The following NEURL1 variants were observed in gnomAD, a reference collection of about 807,000 sequenced individuals.
NEURL1 encodes neuralized E3 ubiquitin protein ligase 1.
NEURL1 carries 26 observed loss-of-function variants against 41.2 expected under a neutral mutation model. That is an observed-to-expected ratio of 0.63 (90% CI 0.46 to 0.87). NEURL1 has a LOEUF of 0.87. Ranked by LOEUF, NEURL1 falls within the 40% of genes least tolerant of loss-of-function variation. The pLI is 0.00. For missense variants in NEURL1, 761 were observed against 871.1 expected (o/e 0.87, Z 1.59); for synonymous variants, 400 against 402.3 (o/e 0.99, Z 0.07).
chr10:103,504,324 G>T (rs1279881535), intron 1 of NEURL1, among the ~76,000 whole-genome samples: 1 of 152,052 alleles, frequency 6.6e-6, no homozygotes, highest in Admixed American at 6.6e-5. Flanking sequence ...CCTCCTCTTG[G>T]TTGTGACAAT....
At chr10:103,538,134 G>A (rs570134563) in intron 1 of NEURL1, among the ~76,000 whole-genome samples, 4 of 151,614 alleles carry the variant, frequency 2.6e-5, no homozygotes, top group African/African-American at 7.3e-5. Context: ...TCTCTCTGTC[G>A]CCTAGGCTGG....
intron 1 of NEURL1, among the ~76,000 whole-genome samples, chr10:103,501,618 T>TTATTATTATTATTATTA (rs1554888033): frequency 4.2e-5 from 6 of 142,596 alleles, no homozygotes; most frequent in African/African-American, 1.3e-4. Context: ...TCCCACTTTA[T>TTATTATTATTATTATTA]TTATTATTAT....
chr10:103,523,299 T>TA (rs980795096), intron 1 of NEURL1, among the ~76,000 whole-genome samples: 8 of 151,102 alleles, frequency 5.3e-5, no homozygotes, highest in African/African-American at 1.9e-4. Flanking sequence ...TTACAAAAAA[T>TA]AAAAAAAATT....
chr10:103,501,386 C>T (rs889366381), intron 1 of NEURL1, among the ~76,000 whole-genome samples: 7 of 151,922 alleles, frequency 4.6e-5, no homozygotes, highest in Admixed American at 6.6e-5. Context: ...AAGGGCTGGG[C>T]GTGACAGCCA....
chr10:103,497,470 A>G (rs1436141253), intron 1 of NEURL1, among the ~76,000 whole-genome samples: 3 of 152,118 alleles, frequency 2.0e-5, no homozygotes, highest in Admixed American at 6.5e-5. Flanking sequence ...ATTCCTCACC[A>G]TTTTAATTAA....
chr10:103,571,871 C>A, intron 3 of NEURL1, 49 bp downstream of exon 3: 1 of 1,513,954 alleles, frequency 6.6e-7, no homozygotes, highest in Non-Finnish European at 8.9e-7. Flanking sequence ...ACCCCTCAGC[C>A]TCTGGGCACT....
Position 103,584,933 on chromosome 10 carries a change from G to C in NEURL1, c.1047G>C (p.Arg349=), listed in dbSNP as rs150625492. The change falls in exon 4 of 6, where the codon CGG becomes CGC. Residue 349 remains arginine (R), a synonymous_variant. Coordinates refer to ENST00000369780, the MANE Select transcript of NEURL1 (RefSeq NM_004210.5). ...AGGTCACGCGCTCGGGTGGCGCGCG[G>C]CCCGGCGCGCTGTCGTTCGGCGTCA... The part of the protein sequence containing the change: ...FVKVTRSGGA[R]PGALSFGVTT... 2 of 1,488,662 alleles carry C rather than the reference G, an allele frequency of 1.3e-6. No individual in the cohort carries two copies. The highest frequency in any genetic ancestry group is 1.3e-5 in the South Asian group (1 of 78,614). 92.2% of individuals were successfully genotyped at this position (1,488,662 alleles called of 1,614,324 possible). A position where few individuals can be genotyped will look rare whatever the true frequency, so the allele number is the denominator to read the frequency against.
At chr10:103,519,633 C>T (rs986149313) in intron 1 of NEURL1, among the ~76,000 whole-genome samples, 1 of 152,128 alleles carries the variant, frequency 6.6e-6, no homozygotes, top group African/African-American at 2.4e-5. Context: ...TAAGGAACCC[C>T]TTAAGGGCTT....
rs2033621678 is a variant in NEURL1, at chr10:103,494,161, A to G, written c.-227A>G. On this transcript the variant is annotated 5_prime_UTR_variant, in exon 1 of 6. Coordinates refer to ENST00000369780, the MANE Select transcript of NEURL1 (RefSeq NM_004210.5). The stretch of plus-strand genomic sequence containing the variant: ...GCTCCCGCCACGGGGCATGGGAGGC[A>G]GGTAGCCCAGCCTGCGCCAGGACAC... 3 of 465,564 alleles carry G rather than the reference A, an allele frequency of 6.4e-6. No individual in the cohort carries two copies. The highest frequency in any genetic ancestry group is 1.1e-5 in the Non-Finnish European group (3 of 264,072). The allele number at this position is 465,564 out of a possible 1,614,324, so 28.8% of individuals were successfully genotyped here. A position where few individuals can be genotyped will look rare whatever the true frequency, so the allele number is the denominator to read the frequency against.
At chr10:103,495,068 T>A (rs2033651289) in intron 1 of NEURL1, among the ~76,000 whole-genome samples, 1 of 152,078 alleles carries the variant, frequency 6.6e-6, no homozygotes, top group African/African-American at 2.4e-5. Context: ...GAAAAGAGGG[T>A]CTGGGAGCCT....
At position 103,551,341 on chromosome 10, in the gene NEURL1, C is replaced by T. The variant is rs531340515; in HGVS notation, c.86-19531C>T. 3.0e-4 allele frequency among the ~76,000 whole-genome samples: 40 copies of T among 131,594 alleles called. No individual in the cohort carries two copies. The South Asian group carries it at 8.1e-3, about 27-fold the overall frequency. 86.3% of individuals were successfully genotyped at this position (131,594 alleles called of 152,430 possible). On this transcript the variant is annotated intron_variant, in intron 1 of 5. Transcript: ENST00000369780. ...TTTTTGAGATGGAGTCTCGCTCTGTCGCCCAGGCTGGACTGCAGTGGCACA... is the reference window on the plus strand; with the variant it reads ...TTTTTGAGATGGAGTCTCGCTCTGTTGCCCAGGCTGGACTGCAGTGGCACA...
intron 1 of NEURL1, among the ~76,000 whole-genome samples, chr10:103,563,413 C>T (rs970848725): frequency 8.5e-5 from 13 of 152,270 alleles, no homozygotes; most frequent in African/African-American, 2.2e-4. Context: ...TTTGAACCCA[C>T]GGCCTCTTGC....
intron 1 of NEURL1, among the ~76,000 whole-genome samples, chr10:103,540,038 A>T (rs2034785719): frequency 6.6e-6 from 1 of 152,256 alleles, no homozygotes; most frequent in East Asian, 1.9e-4. Flanking sequence ...GAGCTGCCAC[A>T]CTAGCTATGT....
intron 3 of NEURL1, among the ~76,000 whole-genome samples, chr10:103,578,235 A>G (rs2035706209): frequency 6.6e-6 from 1 of 152,164 alleles, no homozygotes; most frequent in South Asian, 2.1e-4. Context: ...CATTTACACA[A>G]ATGAGAAGGG....
At chr10:103,501,065 A>G (rs1536223) in intron 1 of NEURL1, among the ~76,000 whole-genome samples, 120,992 of 152,104 alleles carry the variant, frequency 0.8, 48,331 homozygotes, top group East Asian at 1. Context: ...GAAACACAGG[A>G]TGTGTTCAGG....
chr10:103,578,832 C>T (rs1169316921), intron 3 of NEURL1, among the ~76,000 whole-genome samples: 1 of 152,204 alleles, frequency 6.6e-6, no homozygotes, highest in Non-Finnish European at 1.5e-5. Context: ...CAGGCACCCG[C>T]ACTTCCCGGC....
At chr10:103,497,530 A>C (rs1244780892) in intron 1 of NEURL1, among the ~76,000 whole-genome samples, 2 of 152,064 alleles carry the variant, frequency 1.3e-5, no homozygotes, top group Admixed American at 1.3e-4. Context: ...CTGATTGGAG[A>C]TCTAAGATTG....
At chr10:103,533,545 T>G (rs1288792785) in intron 1 of NEURL1, among the ~76,000 whole-genome samples, 1 of 148,980 alleles carries the variant, frequency 6.7e-6, no homozygotes, top group Non-Finnish European at 1.5e-5. Flanking sequence ...AATTTTGTAT[T>G]TTTTTTTTTG....
chr10:103,500,777 A>G (rs10748843), intron 1 of NEURL1, among the ~76,000 whole-genome samples: 40,316 of 152,148 alleles, frequency 0.26, 5,756 homozygotes, highest in East Asian at 0.41. Context: ...ATTAGCTGGA[A>G]GCATGTATAC....
Sources: allele counts gnomAD v4.1 joint callset (sites outside exome capture counted in the v4.1 genomes callset), GRCh38; gene constraint gnomAD v4.1.1; transcripts MANE v1.5; gene names NCBI Gene and HGNC (gene_info 2026-07-23, HGNC 2026-07-21).